Variants in KCMF1 observed in about 807,000 individuals in gnomAD.
KCMF1 encodes E3 ubiquitin-protein ligase KCMF1.
In KCMF1, 3 loss-of-function variants were observed where a neutral mutation model predicts 41.1. That is an observed-to-expected ratio of 0.07 (90% CI 0.03 to 0.19). The LOEUF (loss-of-function observed/expected upper bound fraction) is 0.19, where lower values mean the gene tolerates loss of function less well. Among genes scored for constraint, KCMF1 ranks in the 10% least tolerant of loss-of-function variants. The pLI is 1.00. For missense variants in KCMF1, 286 were observed against 488.9 expected (o/e 0.58, Z 3.91); for synonymous variants, 142 against 164.5 (o/e 0.86, Z 1.04).
At chr2:85,007,736 G>A (rs1254029970) in intron 1 of KCMF1, among the ~76,000 whole-genome samples, 1 of 152,174 alleles carries the variant, frequency 6.6e-6, no homozygotes, top group Non-Finnish European at 1.5e-5. Context: ...ATGTATGTAT[G>A]TGTAATTAAT....
intron 1 of KCMF1, among the ~76,000 whole-genome samples, chr2:85,021,809 GTGTTT>G (rs749359667): frequency 2.0e-5 from 3 of 152,052 alleles, no homozygotes; most frequent in Admixed American, 6.6e-5. Flanking sequence ...GAATCCCATG[GTGTTT>G]TGTTTTGTTT....
intron 1 of KCMF1, among the ~76,000 whole-genome samples, chr2:85,008,879 G>T (rs1311001274): frequency 1.3e-5 from 2 of 149,998 alleles, no homozygotes; most frequent in African/African-American, 4.9e-5. Context: ...GTCCTCCCCC[G>T]CTCAGTCTCT....
intron 1 of KCMF1, among the ~76,000 whole-genome samples, chr2:84,981,597 T>A (rs1673755259): frequency 6.6e-6 from 1 of 152,160 alleles, no homozygotes; most frequent in Non-Finnish European, 1.5e-5. Context: ...GGAGAGTCAC[T>A]TTTTAGAGTA....
intron 1 of KCMF1, among the ~76,000 whole-genome samples, chr2:85,005,044 T>C (rs1674434010): frequency 1.3e-5 from 2 of 151,882 alleles, no homozygotes; most frequent in Non-Finnish European, 2.9e-5. Context: ...GTAGCTGGGA[T>C]TACGGGCACC....
intron 5 of KCMF1, among the ~76,000 whole-genome samples, chr2:85,047,316 G>A (rs1675691790): frequency 6.6e-6 from 1 of 152,100 alleles, no homozygotes; most frequent in South Asian, 2.1e-4. Flanking sequence ...GTTTTATAAG[G>A]TATAGCTAAC....
chr2:85,043,702 T>G (rs1174708532), intron 4 of KCMF1, 37 bp downstream of exon 4: 1 of 1,363,750 alleles, frequency 7.3e-7, no homozygotes, highest in Admixed American at 1.8e-5. Flanking sequence ...AAGAGTTGTT[T>G]GTAATGTTTG....
chr2:85,041,050 G>A lies in KCMF1; in HGVS notation c.325-2514G>A, dbSNP rs557830295. On this transcript the variant is annotated intron_variant, in intron 3 of 6. Coordinates refer to ENST00000409785, the MANE Select transcript of KCMF1 (RefSeq NM_020122.5). ...GCTGGGATTACAGGCATGAGCCACCGTGCCTGGCCTAGCCTCTTGATTTTT... is the reference window on the plus strand; with the variant it reads ...GCTGGGATTACAGGCATGAGCCACCATGCCTGGCCTAGCCTCTTGATTTTT... Among the ~76,000 whole-genome samples the A allele has an allele frequency of 7.2e-5, 11 of 152,192 alleles. No individual in the cohort carries two copies. The South Asian group carries it at 8.3e-4, about 11-fold the overall frequency.
At chr2:84,996,502 C>A (rs1674179399) in intron 1 of KCMF1, among the ~76,000 whole-genome samples, 1 of 140,990 alleles carries the variant, frequency 7.1e-6, no homozygotes, top group African/African-American at 2.7e-5. Flanking sequence ...GTGGTGCAAT[C>A]CCGGCTCACT....
chr2:85,026,825 A>C (rs1675119456), intron 1 of KCMF1, among the ~76,000 whole-genome samples: 2 of 152,144 alleles, frequency 1.3e-5, no homozygotes, highest in South Asian at 2.1e-4. Flanking sequence ...TTGATGCCCC[A>C]ATTCTGATAT....
At chr2:85,025,954 C>G (rs868295590) in intron 1 of KCMF1, among the ~76,000 whole-genome samples, 10 of 152,158 alleles carry the variant, frequency 6.6e-5, no homozygotes, top group Admixed American at 2.0e-4. Context: ...GTGAATAAAA[C>G]TATGAAACCC....
rs180811577 is a variant in KCMF1, at chr2:85,012,522, T to C, written c.17-15367T>C. Among the ~76,000 whole-genome samples the C allele has an allele frequency of 2.6e-5, 4 of 152,320 alleles. No homozygotes were observed. The East Asian group carries it at 7.7e-4, about 29-fold the overall frequency. On this transcript the variant is annotated intron_variant, in intron 1 of 6. Transcript: ENST00000409785. ...CTTCTTTCTTTTCCGTATTACCGTA[T>C]ATCACTCTCAGTGATACAAAGACAT...
At chr2:84,987,225 G>A (rs1024442197) in intron 1 of KCMF1, among the ~76,000 whole-genome samples, 3 of 152,194 alleles carry the variant, frequency 2.0e-5, no homozygotes, top group Non-Finnish European at 2.9e-5. Context: ...TACAGATTGT[G>A]GGACAGAGGA....
intron 1 of KCMF1, among the ~76,000 whole-genome samples, chr2:84,983,980 T>C (rs909738709): frequency 2.0e-5 from 3 of 152,156 alleles, no homozygotes; most frequent in Non-Finnish European, 4.4e-5. Flanking sequence ...CATCATATTT[T>C]AATTCAAATG....
At chr2:85,005,561 A>T (rs901950210) in intron 1 of KCMF1, among the ~76,000 whole-genome samples, 10 of 152,232 alleles carry the variant, frequency 6.6e-5, no homozygotes, top group Admixed American at 5.2e-4. Context: ...AAGTGCTGGG[A>T]TTACAGGCAT....
chr2:84,983,057 T>G lies in KCMF1; in HGVS notation c.16+11590T>G, dbSNP rs192880659. ...TGTATATTTTCATGTTTCTTCGTTA[T>G]TCTAGATCATATTTTCTACAAGCTT... On this transcript the variant is annotated intron_variant, in intron 1 of 6. Transcript: ENST00000409785. Among the ~76,000 whole-genome samples the G allele has an allele frequency of 2.6e-5, 4 of 152,324 alleles. No individual in the cohort carries two copies. In the East Asian group the frequency reaches 7.7e-4, roughly 29 times the overall value.
intron 1 of KCMF1, among the ~76,000 whole-genome samples, 187 bp from the exon 2 acceptor site, chr2:85,027,702 A>G (rs1256213362): frequency 6.6e-6 from 1 of 152,054 alleles, no homozygotes. Flanking sequence ...AATTATTTTC[A>G]TGTGGAGTAT....
At chr2:85,011,937 A>C (rs1674662926) in intron 1 of KCMF1, among the ~76,000 whole-genome samples, 1 of 152,178 alleles carries the variant, frequency 6.6e-6, no homozygotes, top group Non-Finnish European at 1.5e-5. Context: ...GTGTCTCCAT[A>C]CATTGCTAAG....
intron 3 of KCMF1, among the ~76,000 whole-genome samples, chr2:85,037,876 C>T (rs1336856850): frequency 1.3e-5 from 2 of 152,208 alleles, no homozygotes; most frequent in African/African-American, 2.4e-5. Context: ...CGGACATTAC[C>T]GCCTGAACTC....
chr2:85,013,695 G>C (rs1271567691), intron 1 of KCMF1, among the ~76,000 whole-genome samples: 1 of 152,054 alleles, frequency 6.6e-6, no homozygotes, highest in Non-Finnish European at 1.5e-5. Context: ...CTACTCGGGA[G>C]GCTGAGGTAG....
Sources: allele counts gnomAD v4.1 joint callset (sites outside exome capture counted in the v4.1 genomes callset), GRCh38; gene constraint gnomAD v4.1.1; transcripts MANE v1.5; gene names NCBI Gene and HGNC (gene_info 2026-07-23, HGNC 2026-07-21).